CATSPER4: variants seen among roughly 807,000 people sequenced by gnomAD.
The protein encoded by CATSPER4 is cation channel sperm associated 4.
CATSPER4 carries 46 observed loss-of-function variants against 54.4 expected under a neutral mutation model. That is an observed-to-expected ratio of 0.84 (90% confidence interval 0.67 to 1.08). The LOEUF is 1.08. Among genes scored for constraint, CATSPER4 ranks in the 50% least tolerant of loss-of-function variants. The pLI, the probability that CATSPER4 is intolerant of heterozygous loss-of-function variation, is 0.00. For missense variants in CATSPER4, 574 were observed against 612.8 expected (o/e 0.94, Z 0.67); for synonymous variants, 230 against 231.9 (o/e 0.99, Z 0.08).
chr1:26,199,084 C>A (rs925283341), intron 6 of CATSPER4, among the ~76,000 whole-genome samples: 4 of 151,716 alleles, frequency 2.6e-5, no homozygotes, highest in African/African-American at 4.8e-5. Context: ...AGGTGGGCAG[C>A]TCACGAGGTC....
chr1:26,195,877 T>G (rs2088932483), intron 3 of CATSPER4, among the ~76,000 whole-genome samples: 1 of 152,210 alleles, frequency 6.6e-6, no homozygotes, highest in African/African-American at 2.4e-5. Flanking sequence ...AAGCCATTCA[T>G]GACCCAATAC....
chr1:26,201,292 G>A (rs6703730), intron 8 of CATSPER4, 62 bp from the exon 9 acceptor site: 465,779 of 1,543,336 alleles, frequency 0.3, 74,806 homozygotes, highest in Non-Finnish European at 0.33. Context: ...CCAGGGAAGA[G>A]GTGGGAGGGC....
intron 6 of CATSPER4, 149 bp from the exon 7 acceptor site, chr1:26,199,735 A>G: frequency 1.2e-6 from 1 of 811,090 alleles, no homozygotes; most frequent in East Asian, 2.6e-5. Context: ...GCAGCTATTG[A>G]GACAGGAGTA....
At chr1:26,193,026 C>T (rs928140842) in intron 2 of CATSPER4, among the ~76,000 whole-genome samples, 2 of 151,422 alleles carry the variant, frequency 1.3e-5, no homozygotes, top group Non-Finnish European at 1.5e-5. Context: ...CGCTTGAACC[C>T]AGGAGGCGGA....
Position 26,193,768 on chromosome 1 carries a change from TTC to T in CATSPER4, c.358-15_358-14del. ...CCACTGACCTCTCTGCCCCTCTTTT[TTC>T]TCTGTCTCCCATGTAGAAACACTAT... On this transcript the variant is annotated splice_polypyrimidine_tract_variant and intron_variant, in intron 2 of 9. Transcript: ENST00000456354. The T allele has an allele frequency of 6.4e-7, 1 of 1,566,616 alleles. No homozygotes were observed. The highest frequency in any genetic ancestry group is 8.8e-7 in the Non-Finnish European group (1 of 1,136,414).
In CATSPER4 at chr1:26,190,855, C is replaced by T. The variant is rs115352702; in HGVS notation, c.213+15C>T. On this transcript the variant is annotated intron_variant, in intron 1 of 9. Coordinates refer to ENST00000456354, the MANE Select transcript of CATSPER4 (RefSeq NM_198137.2). ...CGAACAAAGCGGTAAGGATAGCTCT[C>T]GCCCCACAGTGGCCCCTTCTGCAGC... 2.6e-3 allele frequency: 4,175 copies of T among 1,589,916 alleles called. 91 individuals carry two copies. The African/African-American group carries it at 0.047, about 18-fold the overall frequency.
chr1:26,197,472 C>T (rs2088955150), intron 3 of CATSPER4, among the ~76,000 whole-genome samples: 1 of 152,170 alleles, frequency 6.6e-6, no homozygotes, highest in South Asian at 2.1e-4. Flanking sequence ...TCTGAGACTG[C>T]ATTTGGCTAT....
At chr1:26,195,653 C>T (rs956489109) in intron 3 of CATSPER4, among the ~76,000 whole-genome samples, 2 of 152,148 alleles carry the variant, frequency 1.3e-5, no homozygotes, top group Non-Finnish European at 2.9e-5. Flanking sequence ...AGGCGCCCGC[C>T]ACCACGCCTG....
At chr1:26,195,539 C>T (rs1348216940) in intron 3 of CATSPER4, among the ~76,000 whole-genome samples, 3 of 146,100 alleles carry the variant, frequency 2.1e-5, no homozygotes, top group South Asian at 2.1e-4. Context: ...CTCGCTCTGT[C>T]GCCTGGGCTG....
rs750595507 is a variant in CATSPER4, at chr1:26,198,258, CG to C, written c.679-24del. ...CTATTTCCAGGCCCTTTGGTGAAGT[CG>C]GGGTGGGGCTCTTTTCTCTCTGACA... On this transcript the variant is annotated intron_variant, in intron 5 of 9. Transcript: ENST00000456354. The C allele has an allele frequency of 3.1e-6, 5 of 1,613,954 alleles. No individual in the cohort carries two copies. The Admixed American group carries it at 8.3e-5, about 27-fold the overall frequency.
intron 3 of CATSPER4, among the ~76,000 whole-genome samples, chr1:26,196,833 C>T (rs554647093): frequency 6.6e-6 from 1 of 152,068 alleles, no homozygotes; most frequent in Non-Finnish European, 1.5e-5. Flanking sequence ...TCCTTCTCCT[C>T]CCCATCTCAT....
At chr1:26,194,429 C>T (rs920886101) in intron 3 of CATSPER4, among the ~76,000 whole-genome samples, 3 of 152,234 alleles carry the variant, frequency 2.0e-5, no homozygotes, top group Non-Finnish European at 4.4e-5. Flanking sequence ...TACTTACAAA[C>T]TCATTCAGAT....
In CATSPER4 at chr1:26,198,012, C is replaced by G; in HGVS notation, c.613C>G (p.Arg205Gly). 1 of 1,614,038 alleles carries G rather than the reference C, an allele frequency of 6.2e-7. No homozygotes were observed. Among genetic ancestry groups the G allele is most frequent in the Non-Finnish European group, 8.5e-7 (1 of 1,179,990 alleles). The change falls in exon 5 of 10, where the codon CGC becomes GGC. Residue 205 changes from arginine (R) to glycine (G), a missense_variant. Arg to Gly is a moderately radical substitution (Grantham distance 125, BLOSUM62 -2). Transcript: ENST00000456354. ...GGTGGAGCCCCTCGCCCGGATCATCCGCGTCATCCTGCAGTCGGTGCCTGA... is the reference window on the plus strand; with the variant it reads ...GGTGGAGCCCCTCGCCCGGATCATCGGCGTCATCCTGCAGTCGGTGCCTGA... ...MAVEPLARII[R>G]VILQSVPDMA...
At chr1:26,201,950 A>G (rs946299544) in intron 9 of CATSPER4, among the ~76,000 whole-genome samples, 1 of 151,860 alleles carries the variant, frequency 6.6e-6, no homozygotes, top group Non-Finnish European at 1.5e-5. Context: ...TGGCCTCCCA[A>G]AGTGCTGGGA....
At chr1:26,199,863 G>A in intron 6 of CATSPER4, 21 bp from the exon 7 acceptor site, 1 of 1,612,950 alleles carries the variant, frequency 6.2e-7, no homozygotes, top group Admixed American at 1.7e-5. Flanking sequence ...AAATGATGGG[G>A]CCCCTGCCTG....
Position 26,200,970 on chromosome 1 carries a change from C to A in CATSPER4, c.1128C>A (p.Asn376Lys). 1 of 1,614,106 alleles carries A rather than the reference C, an allele frequency of 6.2e-7. No individual in the cohort carries two copies. The highest frequency in any genetic ancestry group is 8.5e-7 in the Non-Finnish European group (1 of 1,180,030). The change falls in exon 8 of 10, where the codon AAC becomes AAA. Residue 376 changes from asparagine to lysine, a missense_variant. Physicochemically the swap from Asn to Lys is moderately conservative, Grantham distance 94. Transcript: ENST00000456354. ...ACCTCTCAGAAAACACGTGTGACAA[C>A]TTTTGCTTGGTGCTTGAGGCAATAC... ...LSNLSENTCD[N>K]FCLVLEAIQE... is the part of the protein sequence containing the mutation.
rs2088921849 is a variant in CATSPER4 at position 26,195,065 on chromosome 1, CAG to C, written c.459+1185_459+1186del. Among the ~76,000 whole-genome samples, 7 of 152,246 alleles carry C rather than the reference CAG, an allele frequency of 4.6e-5. No individual in the cohort carries two copies. In the South Asian group the frequency reaches 1.5e-3, roughly 32 times the overall value. On this transcript the variant is annotated intron_variant, in intron 3 of 9. Coordinates refer to ENST00000456354, the MANE Select transcript of CATSPER4 (RefSeq NM_198137.2). ...CGCCACTGCACTCCAGCCTGGGCGA[CAG>C]AGAGAGATTCTGTTTCAAAAAAAAA...
intron 3 of CATSPER4, among the ~76,000 whole-genome samples, chr1:26,195,820 A>G (rs1311208528): frequency 1.3e-5 from 2 of 152,154 alleles, no homozygotes; most frequent in Non-Finnish European, 2.9e-5. Context: ...GCTCTTTTTA[A>G]TAAGCAGCTC....
At chr1:26,190,876 G>A (rs771727688) in intron 1 of CATSPER4, 36 bp downstream of exon 1, 1 of 1,562,152 alleles carries the variant, frequency 6.4e-7, no homozygotes, top group Non-Finnish European at 8.7e-7. Context: ...GGCCCCTTCT[G>A]CAGCTGTGCT....
Sources: gnomAD v4.1 joint callset for allele counts (sites outside exome capture counted in the v4.1 genomes callset) on GRCh38, gnomAD v4.1.1 for gene constraint, MANE v1.5 for transcripts, NCBI Gene and HGNC (gene_info 2026-07-23, HGNC 2026-07-21) for gene names.